Variants in SGCD observed in about 807,000 individuals in gnomAD.
SGCD encodes delta-sarcoglycan.
SGCD carries 18 observed loss-of-function variants against 36.6 expected under a neutral mutation model. That is an observed-to-expected ratio of 0.49 (90% CI 0.34 to 0.73). SGCD has a LOEUF of 0.73. SGCD is among the 30% of genes least tolerant of loss of function. The probability of loss-of-function intolerance (pLI) is 0.01; values close to 1 mark genes in which losing one functional copy is unlikely to be tolerated. For synonymous variants in SGCD, 133 were observed against 130.6 expected (o/e 1.02, Z -0.12); for missense variants, 387 against 346.7 (o/e 1.12, Z -0.92).
At chr5:156,726,107 T>C (rs904806607) in intron 7 of SGCD, among the ~76,000 whole-genome samples, 1 of 152,220 alleles carries the variant, frequency 6.6e-6, no homozygotes, top group Non-Finnish European at 1.5e-5. Flanking sequence ...TATCTTCTTG[T>C]AATCCATCTT....
chr5:156,614,099 A>G (rs1284594236), intron 6 of SGCD, among the ~76,000 whole-genome samples: 1 of 152,110 alleles, frequency 6.6e-6, no homozygotes, highest in Non-Finnish European at 1.5e-5. Context: ...GGTACGCACC[A>G]TCACACCTGG....
At chr5:156,397,757 TC>T (rs1771938595) in intron 3 of SGCD, among the ~76,000 whole-genome samples, 1 of 152,112 alleles carries the variant, frequency 6.6e-6, no homozygotes, top group Non-Finnish European at 1.5e-5. Context: ...AGTACATAAG[TC>T]ATTGCTAAAC....
rs1038510187 is a variant in SGCD at position 156,061,276 on chromosome 5, G to A, written c.-281-56602G>A. On this transcript the variant is annotated intron_variant, in intron 1 of 9. Transcript: ENST00000517913. ...TCTTCAAGGCTAAGAGAATATAAGCGTTGGTCTTTAGCTGAAGATCCTTCA... is the reference window on the plus strand; with the variant it reads ...TCTTCAAGGCTAAGAGAATATAAGCATTGGTCTTTAGCTGAAGATCCTTCA... Among the ~76,000 whole-genome samples, 43 of 145,042 alleles carry A rather than the reference G, an allele frequency of 3.0e-4. 8 individuals carry two copies. Among genetic ancestry groups the A allele is most frequent in the Non-Finnish European group, 7.7e-5 (5 of 64,564 alleles).
chr5:156,291,220 C>A (rs541104007), intron 3 of SGCD, among the ~76,000 whole-genome samples: 1 of 152,184 alleles, frequency 6.6e-6, no homozygotes, highest in South Asian at 2.1e-4. Context: ...ACACCGTATT[C>A]TATATTTCAA....
intron 1 of SGCD, among the ~76,000 whole-genome samples, chr5:155,984,752 G>A (rs1178741015): frequency 6.6e-6 from 1 of 152,114 alleles, no homozygotes; most frequent in African/African-American, 2.4e-5. Flanking sequence ...CTTCAGGAAG[G>A]TCTTTATGGA....
At position 156,765,753 on chromosome 5, in the gene SGCD, T is replaced by G. The variant is rs1325540706; in HGVS notation, c.*6363T>G. 1 of 152,128 alleles carries G rather than the reference T, an allele frequency of 6.6e-6. No individual in the cohort carries two copies. The highest frequency in any genetic ancestry group is 1.5e-5 in the Non-Finnish European group (1 of 68,020). 9.4% of individuals were successfully genotyped at this position (152,128 alleles called of 1,614,324 possible). On this transcript the variant is annotated 3_prime_UTR_variant, in exon 9 of 9. Coordinates refer to ENST00000337851, the MANE Select transcript of SGCD (RefSeq NM_000337.6). Reference sequence around the variant, plus strand: ...TACCTAGAAAATGGCAGAGCTGGAATGTAGGTTTAACTCCTGACCACTATG... The same window carrying G: ...TACCTAGAAAATGGCAGAGCTGGAAGGTAGGTTTAACTCCTGACCACTATG...
intron 3 of SGCD, among the ~76,000 whole-genome samples, chr5:156,368,780 G>C (rs1274464167): frequency 6.6e-6 from 1 of 152,174 alleles, no homozygotes; most frequent in Admixed American, 6.5e-5. Flanking sequence ...CCGATGATCT[G>C]TCACTGTCTC....
chr5:155,864,663 C>G, the SGCD span, among the ~76,000 whole-genome samples: 1 of 152,074 alleles, frequency 6.6e-6, no homozygotes, highest in African/African-American at 2.4e-5. Flanking sequence ...AATTAAGCAC[C>G]TACTAAATAC....
At chr5:155,988,697 G>A (rs190089639) in intron 1 of SGCD, among the ~76,000 whole-genome samples, 8 of 152,280 alleles carry the variant, frequency 5.3e-5, no homozygotes, top group African/African-American at 1.9e-4. Flanking sequence ...ATGTTTGTGG[G>A]AGGTAAAAAT....
chr5:156,142,568 G>A (rs1468593493), intron 3 of SGCD, among the ~76,000 whole-genome samples: 2 of 152,148 alleles, frequency 1.3e-5, no homozygotes, highest in African/African-American at 2.4e-5. Context: ...TCCAGGCTGA[G>A]GAGGTCTCAG....
chr5:156,291,193 G>A (rs767336543), intron 3 of SGCD, among the ~76,000 whole-genome samples: 15 of 152,092 alleles, frequency 9.9e-5, no homozygotes, highest in Non-Finnish European at 1.9e-4. Flanking sequence ...AGCAGAGTAG[G>A]ATGACTGTAC....
chr5:155,809,190 A>G, the SGCD span, among the ~76,000 whole-genome samples: 1 of 152,220 alleles, frequency 6.6e-6, no homozygotes, highest in Non-Finnish European at 1.5e-5. Context: ...TTGAAGGTGC[A>G]TAGTTTCTGT....
chr5:156,294,133 A>G (rs1766833295), intron 3 of SGCD, among the ~76,000 whole-genome samples: 1 of 152,050 alleles, frequency 6.6e-6, no homozygotes, highest in African/African-American at 2.4e-5. Context: ...TTCATTTTTG[A>G]ATTGCTCATT....
intron 1 of SGCD, among the ~76,000 whole-genome samples, chr5:155,870,887 T>C (rs1755642285): frequency 6.6e-6 from 1 of 152,204 alleles, no homozygotes; most frequent in Admixed American, 6.5e-5. Flanking sequence ...TTTCAGCTTA[T>C]CACTCTCAAC....
intron 3 of SGCD, among the ~76,000 whole-genome samples, chr5:156,240,186 A>G (rs1429627875): frequency 1.3e-5 from 2 of 152,136 alleles, no homozygotes; most frequent in African/African-American, 4.8e-5. Context: ...AAGCTCATTT[A>G]TTGTCTGTAT....
the SGCD span, among the ~76,000 whole-genome samples, chr5:155,811,101 G>A: frequency 6.6e-6 from 1 of 152,026 alleles, no homozygotes; most frequent in African/African-American, 2.4e-5. Context: ...ACAGGCGTGA[G>A]CCACCGCGCC....
At chr5:156,131,798 T>C (rs1762330845) in intron 3 of SGCD, among the ~76,000 whole-genome samples, 1 of 152,234 alleles carries the variant, frequency 6.6e-6, no homozygotes, top group African/African-American at 2.4e-5. Flanking sequence ...GAAAGTGGCC[T>C]GAAACTATTT....
At chr5:156,363,547 A>C (rs1769923223) in intron 3 of SGCD, among the ~76,000 whole-genome samples, 1 of 152,198 alleles carries the variant, frequency 6.6e-6, no homozygotes, top group Non-Finnish European at 1.5e-5. Context: ...AATGTCAAAA[A>C]TAATAGCTAT....
intron 7 of SGCD, among the ~76,000 whole-genome samples, chr5:156,671,786 T>A (rs964888763): frequency 2.0e-5 from 3 of 152,192 alleles, no homozygotes; most frequent in Admixed American, 1.3e-4. Flanking sequence ...CAGTTCCACA[T>A]GCTGTGTAAG....
Sources: allele counts gnomAD v4.1 joint callset (sites outside exome capture counted in the v4.1 genomes callset), GRCh38; gene constraint gnomAD v4.1.1; transcripts MANE v1.5; gene names NCBI Gene and HGNC (gene_info 2026-07-23, HGNC 2026-07-21).